Variants in ZNG1E observed in about 807,000 individuals in gnomAD.
ZNG1E encodes Zn regulated GTPase metalloprotein activator 1E, also known as zinc-regulated GTPase metalloprotein activator 1E.
the ZNG1E span, among the ~76,000 whole-genome samples, chr9:65,699,940 CT>C: frequency 6.6e-6 from 1 of 151,204 alleles, no homozygotes; most frequent in Admixed American, 6.6e-5. Flanking sequence ...TGATTGTAAA[CT>C]TTTTGAGACT....
At chr9:65,667,354 T>C in the ZNG1E span, among the ~76,000 whole-genome samples, 1 of 152,238 alleles carries the variant, frequency 6.6e-6, no homozygotes, top group Non-Finnish European at 1.5e-5. Flanking sequence ...GAGTTTGCTA[T>C]AAAAATAAAG....
chr9:65,667,412 A>G, the ZNG1E span, among the ~76,000 whole-genome samples: 1 of 152,282 alleles, frequency 6.6e-6, no homozygotes, highest in African/African-American at 2.4e-5. Context: ...ACTGTTAATA[A>G]GAAATTAATA....
chr9:65,675,701 C>G, the ZNG1E span: 16 of 713,230 alleles, frequency 2.2e-5, 2 homozygotes, highest in South Asian at 2.7e-4. Context: ...TTAGTGCGCC[C>G]TAAGGGCTCT....
chr9:65,657,741 A>G, the ZNG1E span, among the ~76,000 whole-genome samples: 1 of 152,286 alleles, frequency 6.6e-6, no homozygotes, highest in Non-Finnish European at 1.5e-5. Context: ...ACACAAAAAA[A>G]GGATAAATGC....
chr9:65,672,316 C>A, the ZNG1E span, among the ~76,000 whole-genome samples: 10 of 152,174 alleles, frequency 6.6e-5, no homozygotes, highest in Non-Finnish European at 1.2e-4. Flanking sequence ...AATAGCAAAG[C>A]TAAATGAGGA....
At chr9:65,710,824 A>C in the ZNG1E span, among the ~76,000 whole-genome samples, 1 of 148,024 alleles carries the variant, frequency 6.8e-6, no homozygotes, top group East Asian at 2.0e-4. Context: ...CTTAGGATTG[A>C]CTTGGCGATG....
the ZNG1E span, among the ~76,000 whole-genome samples, chr9:65,680,898 C>T: frequency 1.3e-5 from 2 of 152,140 alleles, no homozygotes; most frequent in African/African-American, 4.8e-5. Flanking sequence ...ACGCCATTCT[C>T]CTGCCTCAGC....
At chr9:65,709,279 G>A in the ZNG1E span, among the ~76,000 whole-genome samples, 12 of 149,336 alleles carry the variant, frequency 8.0e-5, no homozygotes, top group African/African-American at 1.3e-4. Flanking sequence ...TTAGCTTAGC[G>A]TTTTCACACA....
At chr9:65,661,143 T>G in the ZNG1E span, among the ~76,000 whole-genome samples, 765 of 143,544 alleles carry the variant, frequency 5.3e-3, no homozygotes, top group African/African-American at 0.02. Context: ...ATTGCCTTAT[T>G]ATATAAAACA....
the ZNG1E span, among the ~76,000 whole-genome samples, chr9:65,657,054 A>C: frequency 6.6e-6 from 1 of 151,904 alleles, no homozygotes; most frequent in Admixed American, 6.6e-5. Flanking sequence ...AAGCAAACAA[A>C]CAAACAAAGA....
chr9:65,720,836 A>G, the ZNG1E span, among the ~76,000 whole-genome samples: 1 of 146,894 alleles, frequency 6.8e-6, no homozygotes, highest in South Asian at 2.2e-4. Context: ...ATTTTGGTTC[A>G]TATTTATGAG....
the ZNG1E span, among the ~76,000 whole-genome samples, chr9:65,683,918 T>G: frequency 3.9e-4 from 60 of 152,292 alleles, no homozygotes; most frequent in African/African-American, 1.3e-3. Context: ...AAGAAAAATA[T>G]ATTGTATGCT....
chr9:65,656,717 G>A, the ZNG1E span, among the ~76,000 whole-genome samples: 1 of 152,294 alleles, frequency 6.6e-6, no homozygotes, highest in African/African-American at 2.4e-5. Context: ...TAAATGAAGG[G>A]GTAGTGAAAA....
At chr9:65,681,298 A>C in the ZNG1E span, among the ~76,000 whole-genome samples, 1 of 152,232 alleles carries the variant, frequency 6.6e-6, no homozygotes. Context: ...CTTCATTAAG[A>C]AATGGGGGTG....
chr9:65,663,780 T>G, the ZNG1E span, among the ~76,000 whole-genome samples: 1 of 151,160 alleles, frequency 6.6e-6, no homozygotes, highest in Non-Finnish European at 1.5e-5. Flanking sequence ...TATTTAAAAT[T>G]TTAAAAATAA....
chr9:65,683,739 T>C, the ZNG1E span, among the ~76,000 whole-genome samples: 1 of 152,230 alleles, frequency 6.6e-6, no homozygotes, highest in Non-Finnish European at 1.5e-5. Context: ...GTTATTGTAC[T>C]TAAAACAATT....
the ZNG1E span, chr9:65,677,159 A>G: frequency 6.5e-7 from 1 of 1,547,230 alleles, no homozygotes; most frequent in African/African-American, 1.4e-5. Flanking sequence ...GAGAAGATGA[A>G]CAAATTTCTT....
At chr9:65,663,852 C>T in the ZNG1E span, among the ~76,000 whole-genome samples, 2 of 151,350 alleles carry the variant, frequency 1.3e-5, no homozygotes, top group Non-Finnish European at 2.9e-5. Flanking sequence ...AACATTGCTC[C>T]TCTTCCCCCA....
At chr9:65,657,690 A>G in the ZNG1E span, among the ~76,000 whole-genome samples, 19 of 152,246 alleles carry the variant, frequency 1.2e-4, no homozygotes, top group Non-Finnish European at 4.4e-5. Flanking sequence ...AATTTACCAT[A>G]CATTTAAAAT....
Sources: gnomAD v4.1 joint callset for allele counts (sites outside exome capture counted in the v4.1 genomes callset) on GRCh38, gnomAD v4.1.1 for gene constraint, MANE v1.5 for transcripts, NCBI Gene and HGNC (gene_info 2026-07-23, HGNC 2026-07-21) for gene names.